ZNF385D: variants seen among roughly 807,000 people sequenced by gnomAD.
ZNF385D encodes the protein zinc finger protein 385D, also known as zinc finger protein 659.
Under a neutral mutation model 35.8 loss-of-function variants are expected in ZNF385D, and 15 were observed. That is an observed-to-expected ratio of 0.42 (90% CI 0.28 to 0.64). ZNF385D has a LOEUF of 0.64. Among genes scored for constraint, ZNF385D ranks in the 30% least tolerant of loss-of-function variants. The pLI, the probability that ZNF385D is intolerant of heterozygous loss-of-function variation, is 0.23. For synonymous variants in ZNF385D, 212 were observed against 186.8 expected (o/e 1.13, Z -1.10); for missense variants, 474 against 494.6 (o/e 0.96, Z 0.39).
intron 2 of ZNF385D, among the ~76,000 whole-genome samples, chr3:22,324,505 T>G (rs1408431992): frequency 6.6e-6 from 1 of 152,086 alleles, no homozygotes; most frequent in Non-Finnish European, 1.5e-5. Context: ...ATGCACAACT[T>G]AGATGAAGAT....
chr3:22,201,568 G>A (rs139107483), intron 2 of ZNF385D, among the ~76,000 whole-genome samples: 1,842 of 152,002 alleles, frequency 0.012, 23 homozygotes, highest in African/African-American at 0.034. Context: ...TTGAATTGTA[G>A]GTATTTGTAA....
intron 1 of ZNF385D, among the ~76,000 whole-genome samples, chr3:21,726,112 C>T (rs552490863): frequency 2.6e-5 from 4 of 152,102 alleles, no homozygotes; most frequent in Admixed American, 6.6e-5. Context: ...AGAAGGCCTT[C>T]GACAAAATTC....
At chr3:21,844,444 G>GATGATTAGACATT (rs1392402552) in intron 3 of ZNF385D, among the ~76,000 whole-genome samples, 2 of 150,764 alleles carry the variant, frequency 1.3e-5, no homozygotes, top group Admixed American at 6.6e-5. Context: ...TGGGGATTTT[G>GATGATTAGACATT]ATAGGCAACC....
In ZNF385D at chr3:22,261,476, T is replaced by C. The variant is rs565753638; in HGVS notation, c.107-92441A>G. Among the ~76,000 whole-genome samples the C allele has an allele frequency of 4.6e-5, 7 of 152,104 alleles. No individual in the cohort carries two copies. In the South Asian group the frequency reaches 1.5e-3, roughly 32 times the overall value. On this transcript the variant is annotated intron_variant, in intron 2 of 5. Transcript: ENST00000494108. ...CTAGGCTGTCTGAGCAAAGATGTTC[T>C]AGGAGCTAGTATATTGTAAAAATGT...
rs373050809 is a variant in ZNF385D at position 22,209,461 on chromosome 3, C to T, written c.107-40426G>A. 1.4e-3 allele frequency among the ~76,000 whole-genome samples: 211 copies of T among 151,782 alleles called. 4 individuals carry two copies. In the South Asian group the frequency reaches 0.033, roughly 24 times the overall value. The stretch of plus-strand genomic sequence containing the variant: ...TTTTATTATTAATGATTTTTAAGTC[C>T]TCTACCCTACATATGGTGTTGTGTT... On this transcript the variant is annotated intron_variant, in intron 2 of 5. Coordinates refer to the ZNF385D transcript ENST00000494108.
intron 3 of ZNF385D, among the ~76,000 whole-genome samples, chr3:21,914,408 CTCT>C (rs1700100886): frequency 7.4e-6 from 1 of 134,562 alleles, no homozygotes; most frequent in African/African-American, 2.7e-5. Flanking sequence ...TTGGTCTTAT[CTCT>C]TTTTTTCAAA....
intron 3 of ZNF385D, among the ~76,000 whole-genome samples, chr3:21,923,916 A>C (rs549527257): frequency 6.6e-6 from 1 of 152,152 alleles, no homozygotes; most frequent in Admixed American, 6.5e-5. Flanking sequence ...CATGTAACAA[A>C]CCTGCACGTG....
At chr3:22,060,875 CCAGA>C (rs533390655) in intron 3 of ZNF385D, among the ~76,000 whole-genome samples, 98 of 152,024 alleles carry the variant, frequency 6.4e-4, no homozygotes, top group Non-Finnish European at 1.1e-3. Flanking sequence ...TATTCAATTA[CCAGA>C]CAATTTTGGC....
rs1026996160 is a variant in ZNF385D at position 21,961,065 on chromosome 3, G to T, written c.325+207752C>A. 1.1e-4 allele frequency among the ~76,000 whole-genome samples: 17 copies of T among 152,034 alleles called. No homozygotes were observed. In the South Asian group the frequency reaches 1.7e-3, roughly 15 times the overall value. On this transcript the variant is annotated intron_variant, in intron 3 of 5. Coordinates refer to the ZNF385D transcript ENST00000494108. ...ACATTTTGAAACAGCTACAAGAGAA[G>T]ATTTTTGATGTTCATAACACAAAGA...
At chr3:21,970,070 C>A (rs1167278403) in intron 3 of ZNF385D, among the ~76,000 whole-genome samples, 1 of 152,126 alleles carries the variant, frequency 6.6e-6, no homozygotes, top group African/African-American at 2.4e-5. Flanking sequence ...CCAAGACCAT[C>A]TGAATACTTG....
intron 3 of ZNF385D, among the ~76,000 whole-genome samples, chr3:22,048,759 T>C (rs575029453): frequency 1.7e-4 from 26 of 152,322 alleles, no homozygotes; most frequent in Non-Finnish European, 3.2e-4. Context: ...AATTTTAGGA[T>C]TGTTTTTTCC....
At chr3:22,028,037 A>T (rs373810173) in intron 3 of ZNF385D, among the ~76,000 whole-genome samples, 15 of 152,220 alleles carry the variant, frequency 9.9e-5, no homozygotes, top group Admixed American at 5.9e-4. Flanking sequence ...TCTGCATGTA[A>T]GGAGAAATGG....
intron 2 of ZNF385D, among the ~76,000 whole-genome samples, chr3:21,648,792 T>C (rs752430238): frequency 1.3e-5 from 2 of 152,178 alleles, no homozygotes; most frequent in Admixed American, 6.5e-5. Flanking sequence ...ACAAGTACAG[T>C]ATTACTAAGG....
intron 2 of ZNF385D, among the ~76,000 whole-genome samples, chr3:22,369,383 T>C (rs1355488595): frequency 6.6e-6 from 1 of 152,208 alleles, no homozygotes; most frequent in East Asian, 1.9e-4. Context: ...TTTTGCAGTT[T>C]GACGATTCAA....
intron 2 of ZNF385D, among the ~76,000 whole-genome samples, chr3:22,222,111 G>T (rs1204165266): frequency 6.6e-6 from 1 of 151,862 alleles, no homozygotes; most frequent in Admixed American, 6.6e-5. Flanking sequence ...CGAGTAGCTG[G>T]GATTACAGGC....
intron 3 of ZNF385D, among the ~76,000 whole-genome samples, chr3:21,945,293 TAA>T (rs1219147025): frequency 6.6e-6 from 1 of 152,030 alleles, no homozygotes; most frequent in Non-Finnish European, 1.5e-5. Flanking sequence ...ATAACTGACT[TAA>T]TAGAGTTTGT....
chr3:22,031,989 T>A (rs899818955), intron 3 of ZNF385D, among the ~76,000 whole-genome samples: 2 of 152,158 alleles, frequency 1.3e-5, no homozygotes, highest in Non-Finnish European at 2.9e-5. Flanking sequence ...GTTCCACAGA[T>A]CTCTAGGGCA....
chr3:21,778,159 A>G (rs959430931), intron 3 of ZNF385D, among the ~76,000 whole-genome samples: 5 of 151,956 alleles, frequency 3.3e-5, no homozygotes, highest in African/African-American at 9.7e-5. Context: ...CCACAGTTAG[A>G]AAGAAAGCCA....
intron 2 of ZNF385D, among the ~76,000 whole-genome samples, chr3:22,298,184 G>C (rs973599545): frequency 1.3e-5 from 2 of 151,722 alleles, no homozygotes; most frequent in African/African-American, 4.8e-5. Flanking sequence ...ATTTTTAAAA[G>C]GTTGCTAAGA....
Sources: gnomAD v4.1 joint callset for allele counts (sites outside exome capture counted in the v4.1 genomes callset) on GRCh38, gnomAD v4.1.1 for gene constraint, MANE v1.5 for transcripts, NCBI Gene and HGNC (gene_info 2026-07-23, HGNC 2026-07-21) for gene names.